Variants in ZBTB16 observed in about 807,000 individuals in gnomAD.
ZBTB16 encodes the protein zinc finger and BTB domain-containing protein 16.
A neutral mutation model predicts 56.8 loss-of-function variants in ZBTB16; 8 were observed. The observed-to-expected ratio is 0.14, with a 90% CI of 0.08 to 0.25. The LOEUF (loss-of-function observed/expected upper bound fraction) is 0.25, where lower values mean the gene tolerates loss of function less well. Ranked by LOEUF, ZBTB16 falls within the 10% of genes least tolerant of loss-of-function variation. The probability of loss-of-function intolerance (pLI) is 1.00; values close to 1 mark genes in which losing one functional copy is unlikely to be tolerated. For synonymous variants in ZBTB16, 363 were observed against 368.5 expected, an observed-to-expected ratio of 0.98 and a Z score of 0.17; for missense variants, 625 against 903.0, an observed-to-expected ratio of 0.69 and a Z score of 3.95.
At chr11:114,114,680 T>C (rs187970251) in intron 2 of ZBTB16, among the ~76,000 whole-genome samples, 39 of 151,682 alleles carry the variant, frequency 2.6e-4, no homozygotes, top group African/African-American at 9.4e-4. Flanking sequence ...TATATGTTTT[T>C]TCTTTTTTTT....
chr11:114,236,206 C>T (rs936633050), intron 4 of ZBTB16, among the ~76,000 whole-genome samples: 1 of 152,136 alleles, frequency 6.6e-6, no homozygotes, highest in African/African-American at 2.4e-5. Context: ...GAAAACAATA[C>T]ATTTTTAGGA....
chr11:114,116,167 G>A (rs1941168360), intron 2 of ZBTB16, among the ~76,000 whole-genome samples: 1 of 152,214 alleles, frequency 6.6e-6, no homozygotes, highest in Admixed American at 6.5e-5. Context: ...ATGCTTAATG[G>A]ACAGCCTCGG....
At chr11:114,118,430 C>T (rs904448640) in intron 2 of ZBTB16, among the ~76,000 whole-genome samples, 1 of 152,136 alleles carries the variant, frequency 6.6e-6, no homozygotes, top group Non-Finnish European at 1.5e-5. Flanking sequence ...GCTTGCCTCA[C>T]CTCCCAAAGT....
chr11:114,243,585 C>T (rs1265710199), intron 5 of ZBTB16, among the ~76,000 whole-genome samples: 10 of 152,186 alleles, frequency 6.6e-5, no homozygotes, highest in Non-Finnish European at 1.5e-5. Flanking sequence ...AGGTAGGGCC[C>T]AGAGGGGTGG....
At chr11:114,180,486 C>G (rs889001854) in intron 3 of ZBTB16, among the ~76,000 whole-genome samples, 3 of 152,128 alleles carry the variant, frequency 2.0e-5, no homozygotes, top group Admixed American at 6.6e-5. Context: ...TGGGAGCAGA[C>G]ATGCTGATGA....
At chr11:114,203,684 C>T (rs1943786864) in intron 4 of ZBTB16, among the ~76,000 whole-genome samples, 1 of 151,622 alleles carries the variant, frequency 6.6e-6, no homozygotes, top group Non-Finnish European at 1.5e-5. Flanking sequence ...TTGGTTCTTA[C>T]AGACTTAACC....
At chr11:114,129,922 C>T (rs952711748) in intron 2 of ZBTB16, among the ~76,000 whole-genome samples, 9 of 152,198 alleles carry the variant, frequency 5.9e-5, no homozygotes, top group Non-Finnish European at 8.8e-5. Flanking sequence ...AGTGCCGCAC[C>T]GTAAATGAAA....
In ZBTB16 at chr11:114,087,862, A is replaced by G. The variant is rs73560799; in HGVS notation, c.1268+23294A>G. Among the ~76,000 whole-genome samples, 498 of 152,308 alleles carry G rather than the reference A, an allele frequency of 3.3e-3. 6 individuals are homozygous for G. Among genetic ancestry groups the G allele is most frequent in the African/African-American group, 0.011 (465 of 41,564 alleles). On this transcript the variant is annotated intron_variant, in intron 2 of 6. Transcript: ENST00000335953. ...ATGTACACCCCTGAAGGCAGGGACCATCTTTTTCACATCTGTGTTACAACC... is the reference window on the plus strand; with the variant it reads ...ATGTACACCCCTGAAGGCAGGGACCGTCTTTTTCACATCTGTGTTACAACC...
intron 2 of ZBTB16, among the ~76,000 whole-genome samples, chr11:114,103,308 C>T (rs1002735792): frequency 3.3e-5 from 5 of 152,098 alleles, no homozygotes; most frequent in Admixed American, 3.3e-4. Context: ...CAGCCTGAGA[C>T]CAAAGCACAG....
chr11:114,188,067 TGTA>T, intron 4 of ZBTB16: 1 of 154,498 alleles, frequency 6.5e-6, no homozygotes, highest in South Asian at 2.1e-4. Context: ...TATATTATAA[TGTA>T]ATAATAGAAA....
intron 2 of ZBTB16, among the ~76,000 whole-genome samples, chr11:114,126,609 G>T (rs1258540400): frequency 6.6e-6 from 1 of 152,190 alleles, no homozygotes; most frequent in Non-Finnish European, 1.5e-5. Context: ...TGGGGTTAGG[G>T]ATCCGGCTGC....
chr11:114,075,094 A>G (rs1939498911), intron 2 of ZBTB16, among the ~76,000 whole-genome samples: 3 of 152,144 alleles, frequency 2.0e-5, no homozygotes, highest in Admixed American at 6.5e-5. Context: ...GGTGGATTTC[A>G]TGGGAGGATT....
intron 4 of ZBTB16, among the ~76,000 whole-genome samples, chr11:114,218,098 G>T (rs1944147473): frequency 1.2e-5 from 1 of 84,318 alleles, no homozygotes; most frequent in African/African-American, 3.2e-5. Context: ...TTAGGGGATT[G>T]CAGATCCACC....
At position 114,148,587 on chromosome 11, in the gene ZBTB16, G is replaced by A. The variant is rs371118945; in HGVS notation, c.1269-7750G>A. Among the ~76,000 whole-genome samples, 8 of 151,156 alleles carry A rather than the reference G, an allele frequency of 5.3e-5. No homozygotes were observed. In the East Asian group the frequency reaches 1.6e-3, roughly 29 times the overall value. On this transcript the variant is annotated intron_variant, in intron 2 of 6. Transcript: ENST00000335953. Reference sequence around the variant, plus strand: ...CGACTTACTGCAACCTCTGCCTCCTGGGTTCAAGCGATTCTCCTGCCTCAG... The same window carrying A: ...CGACTTACTGCAACCTCTGCCTCCTAGGTTCAAGCGATTCTCCTGCCTCAG...
chr11:114,156,477 C>G (rs1395352057), intron 3 of ZBTB16, 43 bp downstream of exon 3: 1 of 1,586,022 alleles, frequency 6.3e-7, no homozygotes. Context: ...TACAGGCAAC[C>G]ATCTCCTGCT....
intron 3 of ZBTB16, chr11:114,180,840 T>C (rs1315144660): frequency 1.3e-5 from 2 of 152,272 alleles, no homozygotes; most frequent in Non-Finnish European, 2.9e-5. Flanking sequence ...GGGAACCTGC[T>C]CTCACAGAGC....
At chr11:114,098,326 A>G (rs752876992) in intron 2 of ZBTB16, among the ~76,000 whole-genome samples, 35 of 152,166 alleles carry the variant, frequency 2.3e-4, no homozygotes, top group Non-Finnish European at 2.6e-4. Context: ...GTAGGGGCGC[A>G]CTATATATAT....
chr11:114,208,499 GGGT>G (rs1283203267), intron 4 of ZBTB16, among the ~76,000 whole-genome samples: 40 of 152,246 alleles, frequency 2.6e-4, no homozygotes, highest in African/African-American at 8.7e-4. Context: ...GAACAGGGTA[GGGT>G]CTTTGCAAGC....
chr11:114,105,393 C>T (rs891035222), intron 2 of ZBTB16, among the ~76,000 whole-genome samples: 1 of 152,220 alleles, frequency 6.6e-6, no homozygotes, highest in African/African-American at 2.4e-5. Context: ...GGCATTGCCA[C>T]TACGCCCAGC....
Sources: allele counts gnomAD v4.1 joint callset (sites outside exome capture counted in the v4.1 genomes callset), GRCh38; gene constraint gnomAD v4.1.1; transcripts MANE v1.5; gene names NCBI Gene and HGNC (gene_info 2026-07-23, HGNC 2026-07-21).